Variants in RABEP1 observed in about 807,000 individuals in gnomAD.
RABEP1 encodes rab GTPase-binding effector protein 1.
In RABEP1, 51 loss-of-function variants were observed where a neutral mutation model predicts 123.4. The ratio of observed to expected loss-of-function variants is 0.41; its 90% CI spans 0.33 to 0.52. RABEP1 has a LOEUF of 0.52. RABEP1 is among the 20% of genes least tolerant of loss of function. The pLI is 0.16. For missense variants in RABEP1, 888 were observed against 996.3 expected (o/e 0.89, Z 1.46); for synonymous variants, 347 against 355.2 (o/e 0.98, Z 0.26).
In RABEP1 at chr17:5,383,974, C is replaced by CA. The variant is rs1476656895; in HGVS notation, c.*752dup. On this transcript the variant is annotated 3_prime_UTR_variant, in exon 18 of 18. Transcript: ENST00000537505. The stretch of plus-strand genomic sequence containing the variant: ...CATACTTAGATGATCTTCATGGGCC[C>CA]ACAGGGTACCAGGATAAAGCCGAAC... 2.1e-5 allele frequency: 4 copies of CA among 187,100 alleles called. No individual in the cohort carries two copies. Among genetic ancestry groups the CA allele is most frequent in the East Asian group, 1.7e-4 (2 of 11,514 alleles). 11.6% of individuals were successfully genotyped at this position (187,100 alleles called of 1,614,324 possible).
intron 1 of RABEP1, among the ~76,000 whole-genome samples, chr17:5,305,987 ATTGCAC>A (rs889508474): frequency 6.6e-6 from 1 of 152,200 alleles, no homozygotes; most frequent in Non-Finnish European, 1.5e-5. Flanking sequence ...TTCGGCAATG[ATTGCAC>A]TTACACTATT....
chr17:5,332,597 T>TA (rs201332242), intron 3 of RABEP1, among the ~76,000 whole-genome samples: 21,041 of 69,566 alleles, frequency 0.3, 2,027 homozygotes, highest in African/African-American at 0.52. Flanking sequence ...CGTTTTAGAA[T>TA]TTTTTTTTTT....
At chr17:5,295,515 TGCG>T (rs2144476472) in intron 1 of RABEP1, among the ~76,000 whole-genome samples, 1 of 152,090 alleles carries the variant, frequency 6.6e-6, no homozygotes, top group African/African-American at 2.4e-5. Flanking sequence ...CAAAGGACAC[TGCG>T]GCAAACATCC....
At position 5,380,608 on chromosome 17, in the gene RABEP1, C is replaced by T. The variant is rs1051554054; in HGVS notation, c.2370+146C>T. The T allele has an allele frequency of 4.1e-6, 3 of 731,966 alleles. No individual in the cohort carries two copies. The African/African-American group carries it at 5.2e-5, about 13-fold the overall frequency. The allele number at this position is 731,966 out of a possible 1,614,324, so 45.3% of individuals were successfully genotyped here. On this transcript the variant is annotated intron_variant, in intron 16 of 17. Coordinates refer to ENST00000537505, the MANE Select transcript of RABEP1 (RefSeq NM_004703.6). ...ACTGACAGCTTGTGAAAAGAAAAAA[C>T]TTAAACGAATTGATCTATTCCAGCT...
intron 2 of RABEP1, among the ~76,000 whole-genome samples, chr17:5,323,707 TATATATATATCTAGGA>T (rs879897409): frequency 0.18 from 23,170 of 130,146 alleles, 6,628 homozygotes; most frequent in African/African-American, 0.29. Context: ...TCTAGGAATA[TATATATATATCTAGGA>T]ATATATATAT....
At chr17:5,348,629 C>T (rs781307025) in intron 6 of RABEP1, among the ~76,000 whole-genome samples, 4 of 152,038 alleles carry the variant, frequency 2.6e-5, no homozygotes, top group Non-Finnish European at 4.4e-5. Flanking sequence ...GGCGCGATCT[C>T]GGCTCACTGC....
chr17:5,286,122 G>A (rs2074975077), intron 1 of RABEP1, among the ~76,000 whole-genome samples: 1 of 152,068 alleles, frequency 6.6e-6, no homozygotes, highest in Non-Finnish European at 1.5e-5. Flanking sequence ...AACGATATAT[G>A]GCAGGTGGAT....
rs746720489 is a variant in RABEP1, at chr17:5,386,183, G to GT, written c.*2961dup. The GT allele has an allele frequency of 1.1e-5, 17 of 1,591,484 alleles. No individual in the cohort carries two copies. Among genetic ancestry groups the GT allele is most frequent in the Non-Finnish European group, 1.5e-5 (17 of 1,161,820 alleles). On this transcript the variant is annotated 3_prime_UTR_variant, in exon 18 of 18. Transcript: ENST00000537505. The stretch of plus-strand genomic sequence containing the variant: ...AAGCCTTCAATGGTGTTCAGTTCAG[G>GT]TGTGAGTCAGCTCCTGGTGGTGTCA...
At chr17:5,302,179 T>C (rs1264308239) in intron 1 of RABEP1, among the ~76,000 whole-genome samples, 3 of 151,672 alleles carry the variant, frequency 2.0e-5, no homozygotes, top group African/African-American at 7.3e-5. Context: ...GAAAATCTGC[T>C]CTCATTCTGG....
At chr17:5,381,116 G>A (rs1303428343) in intron 16 of RABEP1, among the ~76,000 whole-genome samples, 2 of 152,066 alleles carry the variant, frequency 1.3e-5, no homozygotes, top group African/African-American at 2.4e-5. Flanking sequence ...GGTGATTATC[G>A]TCACTGTCAC....
intron 4 of RABEP1, among the ~76,000 whole-genome samples, chr17:5,337,189 G>A (rs1907177841): frequency 6.6e-6 from 1 of 152,134 alleles, no homozygotes; most frequent in Non-Finnish European, 1.5e-5. Context: ...CACTCTTTGT[G>A]TTTGTTTCAT....
rs769440619 is a variant in RABEP1 at position 5,362,962 on chromosome 17, T to C, written c.1614T>C (p.Asn538=). 13 of 1,614,050 alleles carry C rather than the reference T, an allele frequency of 8.1e-6. No individual in the cohort carries two copies. In the South Asian group the frequency reaches 1.3e-4, roughly 16 times the overall value. ...KLGRRCDMCS[N]YEKQLQGIQI... is the part of the protein sequence containing the mutation. ...GTAGACGTTGTGATATGTGTTCCAATTACGAAAAACAGTTACAAGGAATTC... is the reference window on the plus strand; with the variant it reads ...GTAGACGTTGTGATATGTGTTCCAACTACGAAAAACAGTTACAAGGAATTC... Residue 538 remains asparagine (N), a synonymous_variant, in exon 10 of 18, where the codon AAT becomes AAC. Transcript: ENST00000537505.
intron 5 of RABEP1, among the ~76,000 whole-genome samples, chr17:5,340,993 A>G (rs1234913759): frequency 6.6e-6 from 1 of 151,818 alleles, no homozygotes; most frequent in Non-Finnish European, 1.5e-5. Flanking sequence ...AATGAATAAT[A>G]TAAACATAGG....
intron 1 of RABEP1, among the ~76,000 whole-genome samples, chr17:5,292,064 C>T (rs2075038800): frequency 6.6e-6 from 1 of 152,174 alleles, no homozygotes; most frequent in African/African-American, 2.4e-5. Flanking sequence ...TGTTCTGGAT[C>T]TGAAGTATGA....
chr17:5,294,633 C>CTGTTTTTTTTT, intron 1 of RABEP1, among the ~76,000 whole-genome samples: 1 of 53,024 alleles, frequency 1.9e-5, no homozygotes, highest in Non-Finnish European at 3.4e-5. Flanking sequence ...ACGGTATTGT[C>CTGTTTTTTTTT]TTTTTTTTTT....
chr17:5,292,280 AT>A (rs2075040784), intron 1 of RABEP1, among the ~76,000 whole-genome samples: 1 of 151,474 alleles, frequency 6.6e-6, no homozygotes, highest in Non-Finnish European at 1.5e-5. Flanking sequence ...GCTTTTGTTC[AT>A]TTTTTTCCTT....
intron 1 of RABEP1, among the ~76,000 whole-genome samples, chr17:5,299,107 C>T (rs995595832): frequency 2.6e-5 from 4 of 152,114 alleles, no homozygotes; most frequent in African/African-American, 9.7e-5. Flanking sequence ...AGTTGTCGTG[C>T]GCACTTGTGT....
chr17:5,334,285 G>A (rs1006879142), intron 3 of RABEP1, among the ~76,000 whole-genome samples: 4 of 151,812 alleles, frequency 2.6e-5, no homozygotes, highest in Non-Finnish European at 5.9e-5. Flanking sequence ...AGGCTGGAGT[G>A]CGGTGGCATG....
At chr17:5,373,239 T>C in intron 12 of RABEP1, 75 bp from the exon 13 acceptor site, 1 of 1,443,836 alleles carries the variant, frequency 6.9e-7, no homozygotes, top group African/African-American at 1.4e-5. Context: ...AGTTTGGACT[T>C]GTTTTTCTCT....
Sources: gnomAD v4.1 joint callset for allele counts (sites outside exome capture counted in the v4.1 genomes callset) on GRCh38, gnomAD v4.1.1 for gene constraint, MANE v1.5 for transcripts, NCBI Gene and HGNC (gene_info 2026-07-23, HGNC 2026-07-21) for gene names.